BAZ2B: variants seen among roughly 807,000 people sequenced by gnomAD.
BAZ2B encodes bromodomain adjacent to zinc finger domain 2B, also known as bromodomain adjacent to zinc finger domain protein 2B.
A neutral mutation model predicts 246.0 loss-of-function variants in BAZ2B; 91 were observed. The observed-to-expected ratio is 0.37, with a 90% CI of 0.31 to 0.44. The LOEUF (loss-of-function observed/expected upper bound fraction) is 0.44. BAZ2B is among the 20% of genes least tolerant of loss of function. The pLI is 1.00. For missense variants in BAZ2B, 2,332 were observed against 2,533.7 expected (o/e 0.92, Z 1.71); for synonymous variants, 855 against 860.0 (o/e 0.99, Z 0.10).
chr2:159,481,396 T>C, intron 2 of BAZ2B, among the ~76,000 whole-genome samples: 1 of 151,484 alleles, frequency 6.6e-6, no homozygotes, highest in Non-Finnish European at 1.5e-5. Flanking sequence ...GTTGTGCACA[T>C]CTACCCTAGA....
In BAZ2B at chr2:159,432,949, T is replaced by C. The variant is rs780192596; in HGVS notation, c.1708A>G (p.Asn570Asp). 2 of 1,613,980 alleles carry C rather than the reference T, an allele frequency of 1.2e-6. No individual in the cohort carries two copies. The highest frequency in any genetic ancestry group is 1.3e-5 in the African/African-American group (1 of 74,908). ...TGTGTTTTTACTGGGTTTACATTATTGCTAACTGCTTTTTCCTTCCCTTGA... is the reference window on the plus strand; with the variant it reads ...TGTGTTTTTACTGGGTTTACATTATCGCTAACTGCTTTTTCCTTCCCTTGA... ...HSQGKEKAVSNNVNPVKTQHH... is the reference protein window; with the variant it reads ...HSQGKEKAVSDNVNPVKTQHH... Residue 570 changes from asparagine (N) to aspartate (D), a missense_variant, in exon 9 of 37, where the codon AAT (asparagine) becomes GAT (aspartate). By Grantham distance (23) the Asn-to-Asp change is conservative. Transcript: ENST00000392783.
chr2:159,691,410 T>G, the BAZ2B span, among the ~76,000 whole-genome samples: 2 of 152,208 alleles, frequency 1.3e-5, no homozygotes, highest in Non-Finnish European at 2.9e-5. Flanking sequence ...TTTTTTATGT[T>G]ACATACAATA....
chr2:159,417,784 G>A (rs956737970), intron 13 of BAZ2B, among the ~76,000 whole-genome samples: 2 of 152,088 alleles, frequency 1.3e-5, no homozygotes, highest in African/African-American at 4.8e-5. Flanking sequence ...TTTCCCTAAA[G>A]GACCACATTT....
At chr2:159,326,615 G>C (rs944927514) in intron 34 of BAZ2B, among the ~76,000 whole-genome samples, 2 of 152,126 alleles carry the variant, frequency 1.3e-5, no homozygotes, top group African/African-American at 4.8e-5. Flanking sequence ...TTCCAGCTAT[G>C]GCTCTGCTAC....
the BAZ2B span, among the ~76,000 whole-genome samples, chr2:159,711,423 C>T: frequency 6.6e-6 from 1 of 152,052 alleles, no homozygotes; most frequent in African/African-American, 2.4e-5. Flanking sequence ...GTCCCCAAGA[C>T]AATAAAATAA....
intron 20 of BAZ2B, among the ~76,000 whole-genome samples, chr2:159,393,984 G>T (rs1485082439): frequency 1.3e-5 from 2 of 152,114 alleles, no homozygotes; most frequent in East Asian, 3.9e-4. Context: ...CCTCTCAGAT[G>T]ATCTCATTCT....
chr2:159,316,225 T>A (rs2148668349), downstream of BAZ2B, among the ~76,000 whole-genome samples: 1 of 152,234 alleles, frequency 6.6e-6, no homozygotes, highest in Non-Finnish European at 1.5e-5. Context: ...TGCCATGAAT[T>A]GAAGAAAGAA....
intron 2 of BAZ2B, among the ~76,000 whole-genome samples, chr2:159,552,216 A>G (rs2151447612): frequency 6.6e-6 from 1 of 152,304 alleles, no homozygotes; most frequent in Non-Finnish European, 1.5e-5. Flanking sequence ...CTCAAATAAA[A>G]GAACATTATA....
At chr2:159,675,558 G>C in the BAZ2B span, among the ~76,000 whole-genome samples, 1 of 152,002 alleles carries the variant, frequency 6.6e-6, no homozygotes, top group East Asian at 1.9e-4. Context: ...ACTAAAAAAC[G>C]GATCAATTAT....
At chr2:159,595,514 G>C (rs1270202944) in intron 1 of BAZ2B, among the ~76,000 whole-genome samples, 1 of 152,182 alleles carries the variant, frequency 6.6e-6, no homozygotes, top group Non-Finnish European at 1.5e-5. Flanking sequence ...GTGGTGTTGT[G>C]TGTGCTCATG....
chr2:159,517,800 A>C (rs1481903401), intron 2 of BAZ2B, among the ~76,000 whole-genome samples: 1 of 152,206 alleles, frequency 6.6e-6, no homozygotes, highest in East Asian at 1.9e-4. Context: ...TGTCATTTCA[A>C]GGAGTATGTA....
intron 2 of BAZ2B, among the ~76,000 whole-genome samples, chr2:159,486,131 A>C (rs1264107196): frequency 6.6e-6 from 1 of 152,102 alleles, no homozygotes; most frequent in East Asian, 1.9e-4. Context: ...CTGTGAATTT[A>C]AATACTAACT....
chr2:159,663,132 C>G, the BAZ2B span, among the ~76,000 whole-genome samples: 4 of 150,836 alleles, frequency 2.7e-5, no homozygotes, highest in African/African-American at 9.7e-5. Context: ...GATGGTGACC[C>G]TAGGACAAAA....
At chr2:159,707,103 A>G in the BAZ2B span, among the ~76,000 whole-genome samples, 6 of 152,186 alleles carry the variant, frequency 3.9e-5, no homozygotes, top group Non-Finnish European at 8.8e-5. Flanking sequence ...TCTCTGGAGA[A>G]CCCTAATATA....
intron 14 of BAZ2B, chr2:159,411,847 A>AAT (rs1484455881): frequency 6.5e-6 from 4 of 619,508 alleles, no homozygotes; most frequent in Middle Eastern, 8.1e-4. Flanking sequence ...TTATTCTGAA[A>AAT]ATATATATAC....
At chr2:159,679,370 T>C in the BAZ2B span, among the ~76,000 whole-genome samples, 1 of 151,996 alleles carries the variant, frequency 6.6e-6, no homozygotes, top group African/African-American at 2.4e-5. Flanking sequence ...TGCTGAGCAG[T>C]ATTCCATAGT....
intron 31 of BAZ2B, among the ~76,000 whole-genome samples, chr2:159,338,490 C>T (rs2066042837): frequency 6.6e-6 from 1 of 152,138 alleles, no homozygotes; most frequent in Non-Finnish European, 1.5e-5. Context: ...ACTCATTTAT[C>T]TCCAGTACAG....
At chr2:159,348,897 A>G in intron 29 of BAZ2B, 64 bp from the exon 30 acceptor site, 1 of 1,544,970 alleles carries the variant, frequency 6.5e-7, no homozygotes, top group African/African-American at 1.4e-5. Context: ...CACCATGGAA[A>G]TAAAAAGATT....
intron 2 of BAZ2B, among the ~76,000 whole-genome samples, chr2:159,523,138 T>C (rs933784286): frequency 1.3e-5 from 2 of 151,984 alleles, no homozygotes; most frequent in African/African-American, 4.8e-5. Flanking sequence ...TGTGGTGGCA[T>C]GTGCCTGTAG....
Sources: allele counts gnomAD v4.1 joint callset (sites outside exome capture counted in the v4.1 genomes callset), GRCh38; gene constraint gnomAD v4.1.1; transcripts MANE v1.5; gene names NCBI Gene and HGNC (gene_info 2026-07-23, HGNC 2026-07-21).